Variants in DPP10 observed in about 807,000 individuals in gnomAD.
The protein encoded by DPP10 is dipeptidyl peptidase like 10, also known as inactive dipeptidyl peptidase 10.
In DPP10, 33 loss-of-function variants were observed where a neutral mutation model predicts 120.9. That is an observed-to-expected ratio of 0.27 (90% CI 0.21 to 0.37). DPP10 has a LOEUF of 0.37. Among genes scored for constraint, DPP10 ranks in the 10% least tolerant of loss-of-function variants. The probability of loss-of-function intolerance (pLI) is 1.00; values close to 1 mark genes in which losing one functional copy is unlikely to be tolerated. For missense variants in DPP10, 816 were observed against 942.8 expected, an observed-to-expected ratio of 0.87 and a Z score of 1.76; for synonymous variants, 337 against 326.1, an observed-to-expected ratio of 1.03 and a Z score of -0.36.
At chr2:114,725,045 C>A (rs369475060) in intron 1 of DPP10, among the ~76,000 whole-genome samples, 1 of 152,130 alleles carries the variant, frequency 6.6e-6, no homozygotes, top group Non-Finnish European at 1.5e-5. Context: ...TGTAAACCAA[C>A]AAAAATTCCT....
chr2:115,485,224 C>A (rs1219463963), intron 3 of DPP10, among the ~76,000 whole-genome samples: 1 of 129,044 alleles, frequency 7.7e-6, no homozygotes, highest in Non-Finnish European at 1.6e-5. Context: ...TTCTCATAAA[C>A]TTTAACACTG....
chr2:115,426,900 C>T (rs1024874737), intron 3 of DPP10, among the ~76,000 whole-genome samples: 5 of 152,178 alleles, frequency 3.3e-5, no homozygotes, highest in African/African-American at 9.7e-5. Context: ...CAAGTCTTTT[C>T]CACCTATAAA....
chr2:115,261,761 G>C (rs571553611), intron 1 of DPP10, among the ~76,000 whole-genome samples: 1 of 152,284 alleles, frequency 6.6e-6, no homozygotes, highest in South Asian at 2.1e-4. Context: ...CTGTGTGGCA[G>C]AGTATCTTAT....
intron 1 of DPP10, among the ~76,000 whole-genome samples, chr2:115,120,810 A>C (rs1233565201): frequency 6.6e-6 from 1 of 152,210 alleles, no homozygotes; most frequent in Non-Finnish European, 1.5e-5. Flanking sequence ...TTAGGACAAG[A>C]ATGTACCATG....
At chr2:114,933,340 C>T (rs938958295) in intron 1 of DPP10, among the ~76,000 whole-genome samples, 1 of 152,200 alleles carries the variant, frequency 6.6e-6, no homozygotes, top group African/African-American at 2.4e-5. Flanking sequence ...ATATGCATGA[C>T]ACAATCTGAA....
intron 1 of DPP10, among the ~76,000 whole-genome samples, chr2:115,042,785 A>C (rs924389045): frequency 3.4e-4 from 52 of 152,198 alleles, no homozygotes; most frequent in Admixed American, 6.5e-5. Flanking sequence ...ATTGTATAGT[A>C]TCTGCTCTAT....
At chr2:115,324,767 C>G (rs140442258) in intron 2 of DPP10, among the ~76,000 whole-genome samples, 1 of 152,114 alleles carries the variant, frequency 6.6e-6, no homozygotes, top group Non-Finnish European at 1.5e-5. Context: ...TTCAGCCTAC[C>G]TAAGCTTTTG....
At chr2:115,781,110 TTTG>T in intron 16 of DPP10, 115 bp downstream of exon 16, 1 of 863,180 alleles carries the variant, frequency 1.2e-6, no homozygotes, top group Middle Eastern at 4.0e-4. Flanking sequence ...TTTATAAATT[TTTG>T]TTAATAGGAT....
intron 1 of DPP10, among the ~76,000 whole-genome samples, chr2:114,765,177 T>G (rs918825983): frequency 2.6e-5 from 4 of 152,186 alleles, no homozygotes; most frequent in African/African-American, 9.6e-5. Flanking sequence ...CCATTATCAA[T>G]TTTTAAAAAT....
intron 1 of DPP10, among the ~76,000 whole-genome samples, chr2:114,453,689 C>G (rs753488971): frequency 6.6e-6 from 1 of 152,118 alleles, no homozygotes; most frequent in Admixed American, 6.6e-5. Context: ...AGCAAGCACT[C>G]ACCTAAAGAC....
chr2:114,698,393 A>G (rs1299591066), intron 1 of DPP10, among the ~76,000 whole-genome samples: 2 of 152,102 alleles, frequency 1.3e-5, no homozygotes, highest in African/African-American at 4.8e-5. Flanking sequence ...CTTGACTGCA[A>G]CCTCATGAGA....
intron 5 of DPP10, among the ~76,000 whole-genome samples, chr2:115,638,240 G>T (rs1218463374): frequency 1.3e-5 from 2 of 152,160 alleles, no homozygotes; most frequent in Non-Finnish European, 2.9e-5. Flanking sequence ...AGAATTCCAA[G>T]TGTGCATTTA....
chr2:114,882,102 A>G (rs568297706), intron 1 of DPP10, among the ~76,000 whole-genome samples: 8 of 16,730 alleles, frequency 4.8e-4, no homozygotes, highest in Admixed American at 1.3e-3. Flanking sequence ...CATATAATGA[A>G]ATAAAAATAA....
At chr2:114,641,527 A>G (rs978801617) in intron 1 of DPP10, among the ~76,000 whole-genome samples, 12 of 151,968 alleles carry the variant, frequency 7.9e-5, no homozygotes, top group Non-Finnish European at 1.6e-4. Context: ...CGTATGATAG[A>G]AAATACAATT....
At chr2:115,065,321 T>G (rs1706746856) in intron 1 of DPP10, among the ~76,000 whole-genome samples, 1 of 152,142 alleles carries the variant, frequency 6.6e-6, no homozygotes, top group Non-Finnish European at 1.5e-5. Context: ...GACCACTGCT[T>G]AACATAAACT....
chr2:114,787,708 T>G (rs892950564), intron 1 of DPP10, among the ~76,000 whole-genome samples: 1 of 152,220 alleles, frequency 6.6e-6, no homozygotes, highest in Admixed American at 6.5e-5. Flanking sequence ...AAAACCTCTC[T>G]TTCTGCCTAC....
At chr2:115,322,026 A>G (rs2062088822) in intron 2 of DPP10, among the ~76,000 whole-genome samples, 2 of 152,134 alleles carry the variant, frequency 1.3e-5, no homozygotes, top group East Asian at 1.9e-4. Context: ...TCTATTGAGT[A>G]AAATGTCTGT....
chr2:114,546,140 A>C (rs1687377614), intron 1 of DPP10, among the ~76,000 whole-genome samples: 1 of 152,082 alleles, frequency 6.6e-6, no homozygotes, highest in South Asian at 2.1e-4. Context: ...TGATATAAAA[A>C]TACCTGAGAC....
chr2:114,493,089 A>C (rs1421060762), intron 1 of DPP10, among the ~76,000 whole-genome samples: 69 of 152,204 alleles, frequency 4.5e-4, no homozygotes, highest in Admixed American at 4.5e-3. Context: ...GTGTTTAATA[A>C]GGAATTAGCA....
Sources: gnomAD v4.1 joint callset for allele counts (sites outside exome capture counted in the v4.1 genomes callset) on GRCh38, gnomAD v4.1.1 for gene constraint, MANE v1.5 for transcripts, NCBI Gene and HGNC (gene_info 2026-07-23, HGNC 2026-07-21) for gene names.